The following DLGAP2 variants were observed in gnomAD, a reference collection of about 807,000 sequenced individuals.
DLGAP2 encodes the protein DLG associated protein 2, also known as disks large-associated protein 2.
Under a neutral mutation model 100.3 loss-of-function variants are expected in DLGAP2, and 26 were observed. The ratio of observed to expected loss-of-function variants is 0.26; its 90% CI spans 0.19 to 0.36. DLGAP2 has a LOEUF of 0.36. Ranked by LOEUF, DLGAP2 falls within the 10% of genes least tolerant of loss-of-function variation. The pLI is 1.00. For missense variants in DLGAP2, 1,858 were observed against 1,453.2 expected (o/e 1.28, Z -4.53); for synonymous variants, 886 against 630.1 (o/e 1.41, Z -6.08).
At chr8:1,554,446 G>T (rs1439743676) in intron 5 of DLGAP2, among the ~76,000 whole-genome samples, 2 of 152,242 alleles carry the variant, frequency 1.3e-5, no homozygotes, top group East Asian at 3.9e-4. Flanking sequence ...GGCCACCTCT[G>T]GCCCTCCTGC....
intron 3 of DLGAP2, among the ~76,000 whole-genome samples, chr8:1,457,979 T>TAC (rs1437007274): frequency 7.7e-5 from 2 of 25,942 alleles, no homozygotes; most frequent in East Asian, 0.016. Flanking sequence ...TCTGATCATA[T>TAC]ATATATATAT....
chr8:1,056,728 C>A (rs1336707208), intron 2 of DLGAP2, among the ~76,000 whole-genome samples: 2 of 152,224 alleles, frequency 1.3e-5, no homozygotes, highest in African/African-American at 4.8e-5. Flanking sequence ...TCTGACCCTG[C>A]CAGATCATCG....
chr8:1,542,457 C>G, intron 4 of DLGAP2, among the ~76,000 whole-genome samples: 1 of 152,210 alleles, frequency 6.6e-6, no homozygotes, highest in East Asian at 1.9e-4. Flanking sequence ...TGAGATCTGC[C>G]TGTTCTGCAC....
intron 3 of DLGAP2, among the ~76,000 whole-genome samples, chr8:1,273,490 C>T (rs1158825300): frequency 6.6e-6 from 1 of 152,156 alleles, no homozygotes; most frequent in African/African-American, 2.4e-5. Flanking sequence ...AGATGGATGA[C>T]CAGGAGTCTC....
Position 1,639,009 on chromosome 8 carries a change from G to C in DLGAP2, c.1810+5963G>C, listed in dbSNP as rs147927558. ...CCGGGGAGCCGGGATGGATTGGGAT[G>C]AAGTGCCCAACAGCCCTCTCCAGCT... On this transcript the variant is annotated intron_variant, in intron 8 of 14. Coordinates refer to ENST00000637795, the MANE Select transcript of DLGAP2 (RefSeq NM_001346810.2). Among the ~76,000 whole-genome samples, 228 of 152,306 alleles carry C rather than the reference G, an allele frequency of 1.5e-3. 2 individuals are homozygous for C. The East Asian group carries it at 0.03, about 20-fold the overall frequency.
chr8:1,417,340 T>C (rs1796924069), intron 3 of DLGAP2, among the ~76,000 whole-genome samples: 1 of 151,882 alleles, frequency 6.6e-6, no homozygotes, highest in Non-Finnish European at 1.5e-5. Flanking sequence ...TCTCACCGCA[T>C]GTTCATAGAA....
Position 1,549,008 on chromosome 8 carries a change from C to G in DLGAP2, c.555C>G (p.Ile185Met), listed in dbSNP as rs189749972. 3.6e-5 allele frequency: 57 copies of G among 1,598,318 alleles called. No individual in the cohort carries two copies. The African/African-American group carries it at 6.5e-4, about 18-fold the overall frequency. The change falls in exon 5 of 15, where the codon ATC becomes ATG. Residue 185 changes from isoleucine to methionine, a missense_variant. Coordinates refer to ENST00000637795, the MANE Select transcript of DLGAP2 (RefSeq NM_001346810.2). The part of the protein sequence containing the change: ...DCAVAHAGAK[I>M]NRIPANLLDQ... The stretch of plus-strand genomic sequence containing the variant: ...CTGTGGCCCACGCGGGCGCCAAGAT[C>G]AACCGCATCCCGGCCAACCTGCTGG...
At chr8:1,377,621 T>C (rs1387206705) in intron 3 of DLGAP2, among the ~76,000 whole-genome samples, 1 of 152,182 alleles carries the variant, frequency 6.6e-6, no homozygotes, top group Non-Finnish European at 1.5e-5. Flanking sequence ...GCAGAGGACA[T>C]ACCCCAGCCT....
chr8:1,616,329 G>C (rs1488027783), intron 6 of DLGAP2, among the ~76,000 whole-genome samples: 1 of 152,092 alleles, frequency 6.6e-6, no homozygotes. Context: ...TTGGCAGAAG[G>C]TTTTGAAGAA....
intron 8 of DLGAP2, among the ~76,000 whole-genome samples, chr8:1,665,101 T>A (rs1585044716): frequency 6.6e-6 from 1 of 152,346 alleles, no homozygotes; most frequent in East Asian, 1.9e-4. Flanking sequence ...TGAGAAGATG[T>A]GGTATGTGAC....
rs74439611 is a variant in DLGAP2 at position 1,670,936 on chromosome 8, C to T, written c.2202+1152C>T. 9.3e-3 allele frequency among the ~76,000 whole-genome samples: 1,415 copies of T among 152,296 alleles called. 26 individuals carry two copies. The highest frequency in any genetic ancestry group is 0.033 in the African/African-American group (1,356 of 41,566). ...GAGGCGTCAGGAGGGGAGCTGCAGA[C>T]GGCAGCCTTGCCAGGGCAGGAGGTG... On this transcript the variant is annotated intron_variant, in intron 10 of 14. Transcript: ENST00000637795.
chr8:1,632,749 C>A (rs533480207), intron 7 of DLGAP2, 78 bp from the exon 8 acceptor site: 2 of 1,406,474 alleles, frequency 1.4e-6, no homozygotes, highest in African/African-American at 1.4e-5. Flanking sequence ...TGGGAATGAG[C>A]GCGCTCTCCT....
intron 1 of DLGAP2, among the ~76,000 whole-genome samples, chr8:852,550 CGATTGTCT>C (rs139335474): frequency 0.077 from 11,753 of 152,218 alleles, 522 homozygotes; most frequent in Admixed American, 0.11. Flanking sequence ...CCAGCTTAAT[CGATTGTCT>C]GATTGTGGTA....
chr8:1,197,107 C>T (rs1797767928), intron 2 of DLGAP2, among the ~76,000 whole-genome samples: 1 of 140,056 alleles, frequency 7.1e-6, no homozygotes, highest in Admixed American at 7.4e-5. Context: ...CTTCCTGGGC[C>T]CTCAGTGGAT....
intron 2 of DLGAP2, among the ~76,000 whole-genome samples, chr8:967,926 A>G (rs1455354685): frequency 7.4e-6 from 1 of 135,168 alleles, no homozygotes; most frequent in Admixed American, 7.5e-5. Flanking sequence ...TGTTTTCTTC[A>G]TGATGACTAT....
At chr8:784,296 A>G (rs1004136814) in intron 1 of DLGAP2, among the ~76,000 whole-genome samples, 2 of 152,246 alleles carry the variant, frequency 1.3e-5, no homozygotes, top group African/African-American at 4.8e-5. Flanking sequence ...AATCTTTCTC[A>G]CAGAAAATTT....
chr8:846,873 A>T (rs554785015), intron 1 of DLGAP2, among the ~76,000 whole-genome samples: 1 of 152,156 alleles, frequency 6.6e-6, no homozygotes, highest in African/African-American at 2.4e-5. Context: ...GAGCACATCC[A>T]TGTCTGGCTT....
At chr8:1,697,030 T>A in intron 13 of DLGAP2, 117 bp from the exon 14 acceptor site, 1 of 1,125,796 alleles carries the variant, frequency 8.9e-7, no homozygotes, top group Non-Finnish European at 1.2e-6. Flanking sequence ...AGGCTGGAAT[T>A]AGCCAGGCTT....
intron 2 of DLGAP2, among the ~76,000 whole-genome samples, chr8:1,173,771 A>T (rs573922301): frequency 1.3e-5 from 2 of 152,206 alleles, no homozygotes; most frequent in South Asian, 4.1e-4. Flanking sequence ...CCGATTTTCC[A>T]GGTGCCGTCT....
Sources: allele counts gnomAD v4.1 joint callset (sites outside exome capture counted in the v4.1 genomes callset), GRCh38; gene constraint gnomAD v4.1.1; transcripts MANE v1.5; gene names NCBI Gene and HGNC (gene_info 2026-07-23, HGNC 2026-07-21).